The following HECW2 variants were observed in gnomAD, a reference collection of about 807,000 sequenced individuals.
HECW2 encodes the protein E3 ubiquitin-protein ligase HECW2.
HECW2 carries 61 observed loss-of-function variants against 175.2 expected under a neutral mutation model. The ratio of observed to expected loss-of-function variants is 0.35; its 90% CI spans 0.28 to 0.43. The LOEUF (loss-of-function observed/expected upper bound fraction) is 0.43, where lower values mean the gene tolerates loss of function less well. HECW2 is among the 20% of genes least tolerant of loss of function. HECW2 has a pLI of 1.00. For missense variants in HECW2, 1,524 were observed against 2,000.5 expected (o/e 0.76, Z 4.54); for synonymous variants, 671 against 731.0 (o/e 0.92, Z 1.32).
chr2:196,347,328 A>G (rs1394716454), intron 2 of HECW2, among the ~76,000 whole-genome samples: 1 of 151,826 alleles, frequency 6.6e-6, no homozygotes, highest in Admixed American at 6.6e-5. Flanking sequence ...CCAAAATGCT[A>G]GGATTACAGG....
intron 2 of HECW2, among the ~76,000 whole-genome samples, chr2:196,423,715 T>TGTGTGTGTGTGTG (rs1553516070): frequency 4.6e-5 from 7 of 151,476 alleles, no homozygotes; most frequent in African/African-American, 9.7e-5. Flanking sequence ...TGTGTGTGTG[T>TGTGTGTGTGTGTG]TTATCACATT....
At chr2:196,290,174 T>C (rs1333187081) in intron 14 of HECW2, 1 of 152,190 alleles carries the variant, frequency 6.6e-6, no homozygotes, top group East Asian at 1.9e-4. Context: ...TTCTCTACAA[T>C]GCCAACTTCA....
At chr2:196,429,133 C>T (rs1695631217) in intron 2 of HECW2, among the ~76,000 whole-genome samples, 1 of 152,138 alleles carries the variant, frequency 6.6e-6, no homozygotes, top group Non-Finnish European at 1.5e-5. Context: ...AGCAAAGTTC[C>T]CCCAAAGGTT....
intron 5 of HECW2, among the ~76,000 whole-genome samples, chr2:196,327,218 C>T (rs758334665): frequency 9.9e-5 from 15 of 152,110 alleles, no homozygotes; most frequent in African/African-American, 2.7e-4. Flanking sequence ...TAAGTCACTG[C>T]GATAAATAAT....
chr2:196,222,458 G>A (rs1687704670), intron 23 of HECW2, 118 bp from the exon 24 acceptor site: 1 of 868,118 alleles, frequency 1.2e-6, no homozygotes, highest in Admixed American at 2.7e-5. Context: ...CATAGGCAGT[G>A]ATTTCTGGAA....
intron 21 of HECW2, among the ~76,000 whole-genome samples, chr2:196,233,416 C>T (rs189315891): frequency 1.3e-5 from 2 of 152,290 alleles, no homozygotes; most frequent in Non-Finnish European, 2.9e-5. Context: ...TTTATTCTCC[C>T]ATTCTTTATT....
chr2:196,464,118 A>C (rs1432028426), intron 1 of HECW2, among the ~76,000 whole-genome samples: 1 of 151,458 alleles, frequency 6.6e-6, no homozygotes, highest in Non-Finnish European at 1.5e-5. Context: ...GGCCATTATC[A>C]TCTCAACTGC....
At chr2:196,343,404 A>G (rs1692835054) in intron 3 of HECW2, among the ~76,000 whole-genome samples, 1 of 152,160 alleles carries the variant, frequency 6.6e-6, no homozygotes, top group Non-Finnish European at 1.5e-5. Flanking sequence ...TTTGATCCAC[A>G]GTTGGTTGAA....
intron 2 of HECW2, among the ~76,000 whole-genome samples, chr2:196,393,739 A>T (rs1028362325): frequency 7.9e-5 from 12 of 152,234 alleles, no homozygotes; most frequent in African/African-American, 2.9e-4. Flanking sequence ...TGTGGAAGAC[A>T]GTGTGGCGAT....
intron 1 of HECW2, among the ~76,000 whole-genome samples, chr2:196,454,820 T>C (rs1402380588): frequency 6.6e-6 from 1 of 152,220 alleles, no homozygotes; most frequent in African/African-American, 2.4e-5. Flanking sequence ...TCTGCAGATT[T>C]CTGTTAAATG....
intron 21 of HECW2, among the ~76,000 whole-genome samples, chr2:196,237,857 C>T (rs1249283215): frequency 6.6e-6 from 1 of 152,172 alleles, no homozygotes; most frequent in East Asian, 1.9e-4. Context: ...TAATCTCTGG[C>T]AGACACCAAA....
chr2:196,352,968 C>T (rs1289630392), intron 2 of HECW2, among the ~76,000 whole-genome samples: 2 of 152,226 alleles, frequency 1.3e-5, no homozygotes, highest in African/African-American at 4.8e-5. Context: ...ACATGTCTCT[C>T]TTCTGTTCAG....
intron 1 of HECW2, among the ~76,000 whole-genome samples, chr2:196,574,002 G>C (rs983519352): frequency 1.3e-5 from 2 of 150,794 alleles, no homozygotes; most frequent in Non-Finnish European, 2.9e-5. Flanking sequence ...GTAATACAGT[G>C]GGATCCCCAT....
intron 2 of HECW2, among the ~76,000 whole-genome samples, chr2:196,404,212 A>C (rs996107259): frequency 6.6e-6 from 1 of 152,158 alleles, no homozygotes; most frequent in Admixed American, 6.5e-5. Flanking sequence ...TGAGTTGGAG[A>C]CTGGGCGTAA....
intron 28 of HECW2, among the ~76,000 whole-genome samples, chr2:196,212,198 T>TC (rs1687314587): frequency 4.2e-3 from 1 of 238 alleles, no homozygotes; most frequent in South Asian, 0.17. Flanking sequence ...TGCAATGTAA[T>TC]TTTTTTTTTA....
chr2:196,325,191 G>C (rs1192867180), intron 5 of HECW2, 42 bp from the exon 6 acceptor site: 1 of 1,451,528 alleles, frequency 6.9e-7, no homozygotes, highest in East Asian at 2.4e-5. Context: ...CAAAGAGAAA[G>C]CAGGAGGGAG....
In HECW2 at chr2:196,525,073, G is replaced by A. The variant is rs199576957; in HGVS notation, c.-36+68435C>T. ...CCTTGATCTGTCTAATGTTGACAGT[G>A]GGGTGTTAAAGTCTCCCATTATTAA... On this transcript the variant is annotated intron_variant, in intron 1 of 28. Transcript: ENST00000644978. Among the ~76,000 whole-genome samples, 191 of 142,576 alleles carry A rather than the reference G, an allele frequency of 1.3e-3. 2 individuals are homozygous for A. In the East Asian group the frequency reaches 0.033, roughly 24 times the overall value. The allele number at this position is 142,576 out of a possible 152,430, so 93.5% of individuals were successfully genotyped here. A position where few individuals can be genotyped will look rare whatever the true frequency, so the allele number is the denominator to read the frequency against.
chr2:196,532,260 A>C (rs1688862918), intron 1 of HECW2, among the ~76,000 whole-genome samples: 1 of 152,240 alleles, frequency 6.6e-6, no homozygotes, highest in South Asian at 2.1e-4. Context: ...TGGATAAAGA[A>C]AATGTGGCAC....
chr2:196,545,181 C>T (rs1361077488), intron 1 of HECW2, among the ~76,000 whole-genome samples: 2 of 152,204 alleles, frequency 1.3e-5, no homozygotes, highest in African/African-American at 4.8e-5. Context: ...AATCTACTCC[C>T]TCTTACGAAA....
Sources: gnomAD v4.1 joint callset for allele counts (sites outside exome capture counted in the v4.1 genomes callset) on GRCh38, gnomAD v4.1.1 for gene constraint, MANE v1.5 for transcripts, NCBI Gene and HGNC (gene_info 2026-07-23, HGNC 2026-07-21) for gene names.